Variants in TNS3 observed in about 807,000 individuals in gnomAD.
TNS3 encodes the protein tensin-3.
In TNS3, 45 loss-of-function variants were observed where a neutral mutation model predicts 140.9. That is an observed-to-expected ratio of 0.32 (90% confidence interval 0.25 to 0.41). The LOEUF is 0.41. Ranked by LOEUF, TNS3 falls within the 10% of genes least tolerant of loss-of-function variation. TNS3 has a pLI of 1.00. For missense variants in TNS3, 1,716 were observed against 1,906.7 expected (o/e 0.90, Z 1.86); for synonymous variants, 815 against 788.4 (o/e 1.03, Z -0.56).
intron 6 of TNS3, 33 bp downstream of exon 6, chr7:47,439,454 G>A: frequency 6.2e-7 from 1 of 1,609,710 alleles, no homozygotes; most frequent in South Asian, 1.1e-5. Context: ...TGCAGAGCCT[G>A]CCCAAAGGCT....
intron 4 of TNS3, among the ~76,000 whole-genome samples, chr7:47,471,676 T>C (rs1796959548): frequency 6.6e-6 from 1 of 152,160 alleles, no homozygotes; most frequent in African/African-American, 2.4e-5. Flanking sequence ...CAAAGTCTGC[T>C]CCATCTGAGC....
At chr7:47,475,137 C>A (rs1411164492) in intron 4 of TNS3, among the ~76,000 whole-genome samples, 1 of 152,214 alleles carries the variant, frequency 6.6e-6, no homozygotes, top group African/African-American at 2.4e-5. Context: ...AAACACCTCA[C>A]ACACACCACA....
chr7:47,370,928 C>T (rs2151162552), intron 16 of TNS3, among the ~76,000 whole-genome samples: 1 of 152,344 alleles, frequency 6.6e-6, no homozygotes, highest in South Asian at 2.1e-4. Context: ...CAGCTGCTGG[C>T]CTTTTTGAAA....
At chr7:47,471,427 G>C (rs1319306775) in intron 4 of TNS3, among the ~76,000 whole-genome samples, 1 of 151,524 alleles carries the variant, frequency 6.6e-6, no homozygotes, top group East Asian at 1.9e-4. Flanking sequence ...CTCACCCATG[G>C]AGTCATTCAG....
At chr7:47,319,651 C>T (rs1019949378) in intron 20 of TNS3, among the ~76,000 whole-genome samples, 2 of 152,170 alleles carry the variant, frequency 1.3e-5, no homozygotes, top group Non-Finnish European at 2.9e-5. Flanking sequence ...AAGTCTCTTA[C>T]CATGACTTGA....
chr7:47,399,196 C>T (rs190477606), intron 15 of TNS3, among the ~76,000 whole-genome samples: 31 of 149,646 alleles, frequency 2.1e-4, no homozygotes, highest in African/African-American at 7.6e-4. Context: ...CAAGTGGAAA[C>T]ACATCCCATG....
intron 13 of TNS3, chr7:47,405,637 T>C: frequency 1.1e-5 from 8 of 702,062 alleles, no homozygotes; most frequent in Non-Finnish European, 2.1e-5. Flanking sequence ...GATGACAGCA[T>C]GGATTAAGAC....
intron 2 of TNS3, 79 bp from the exon 3 acceptor site, chr7:47,507,023 A>C: frequency 2.6e-6 from 3 of 1,169,328 alleles, no homozygotes; most frequent in Non-Finnish European, 3.4e-6. Flanking sequence ...AACCCTCTCA[A>C]TCCTTCAGAG....
At chr7:47,343,345 C>A (rs562929561) in intron 20 of TNS3, among the ~76,000 whole-genome samples, 1 of 152,228 alleles carries the variant, frequency 6.6e-6, no homozygotes, top group Non-Finnish European at 1.5e-5. Flanking sequence ...ATGCTCAATA[C>A]AGTGATCTTA....
At chr7:47,563,674 C>A (rs1800363537) in intron 1 of TNS3, among the ~76,000 whole-genome samples, 1 of 152,186 alleles carries the variant, frequency 6.6e-6, no homozygotes, top group African/African-American at 2.4e-5. Context: ...CTCATGACAG[C>A]CCTGGGTTGA....
intron 3 of TNS3, among the ~76,000 whole-genome samples, chr7:47,496,438 C>T (rs1187687937): frequency 6.6e-6 from 1 of 152,106 alleles, no homozygotes; most frequent in Admixed American, 6.5e-5. Flanking sequence ...GTGTTTCAAG[C>T]TGATTAATGT....
At chr7:47,331,691 T>C (rs1369726224) in intron 20 of TNS3, among the ~76,000 whole-genome samples, 4 of 152,236 alleles carry the variant, frequency 2.6e-5, no homozygotes, top group African/African-American at 9.6e-5. Flanking sequence ...CATTTGCTCT[T>C]TCTCTACATG....
At chr7:47,308,735 C>A (rs202194845) in intron 20 of TNS3, among the ~76,000 whole-genome samples, 2 of 152,184 alleles carry the variant, frequency 1.3e-5, no homozygotes, top group African/African-American at 4.8e-5. Context: ...CTGTATATCA[C>A]TCAATGCCCA....
In TNS3 at chr7:47,531,175, G is replaced by A. The variant is rs920558382; in HGVS notation, c.-264-2028C>T. 2.0e-5 allele frequency among the ~76,000 whole-genome samples: 3 copies of A among 151,884 alleles called. No homozygotes were observed. The East Asian group carries it at 5.8e-4, about 29-fold the overall frequency. On this transcript the variant is annotated intron_variant, in intron 1 of 30. Transcript: ENST00000311160. ...CGAGTACTACGCTTATTACCTGGAG[G>A]AGGAAATAATCTGTACACCAAACCC...
At chr7:47,473,144 C>T (rs1185935252) in intron 4 of TNS3, among the ~76,000 whole-genome samples, 2 of 152,208 alleles carry the variant, frequency 1.3e-5, no homozygotes, top group South Asian at 2.1e-4. Flanking sequence ...CTAAACACCA[C>T]TCTGTGATGA....
rs540379633 is a variant in TNS3, at chr7:47,409,277, C to T, written c.723+2450G>A. On this transcript the variant is annotated intron_variant, in intron 13 of 30. Transcript: ENST00000311160. ...TTCCCAGGAGACTGCCCCCGCCCGC[C>T]TGGTCTCAGGAAGACCCTGCAGCTA... 2.3e-4 allele frequency among the ~76,000 whole-genome samples: 34 copies of T among 150,422 alleles called. 1 individual carries two copies. The East Asian group carries it at 6.6e-3, about 29-fold the overall frequency.
At position 47,456,432 on chromosome 7, in the gene TNS3, G is replaced by T. The variant is rs141936472; in HGVS notation, c.-75-14377C>A. Among the ~76,000 whole-genome samples, 8 of 152,282 alleles carry T rather than the reference G, an allele frequency of 5.3e-5. No individual in the cohort carries two copies. The East Asian group carries it at 1.5e-3, about 29-fold the overall frequency. ...TCAGATTCCCCACCTGGGGAATGGG[G>T]GTGGAAATGGCACATAATGCAGAGT... On this transcript the variant is annotated intron_variant, in intron 4 of 30. Transcript: ENST00000311160.
In TNS3 at chr7:47,465,700, G is replaced by A. The variant is rs1015832990; in HGVS notation, c.-76+15403C>T. 2.6e-5 allele frequency among the ~76,000 whole-genome samples: 4 copies of A among 152,216 alleles called. No homozygotes were observed. In the East Asian group the frequency reaches 7.7e-4, roughly 29 times the overall value. On this transcript the variant is annotated intron_variant, in intron 4 of 30. Coordinates refer to ENST00000311160, the MANE Select transcript of TNS3 (RefSeq NM_022748.12). The stretch of plus-strand genomic sequence containing the variant: ...AGCACTTTGGGAGGCCGAGGTGGGA[G>A]GATCACCTGAGGTCAGGAGTTCGAG...
rs1786076701 is a variant in TNS3 at position 47,297,155 on chromosome 7, G to T, written c.3603C>A (p.Ser1201=). 6.2e-7 allele frequency: 1 copy of T among 1,613,794 alleles called. No homozygotes were observed. Residue 1201 remains serine (S), a synonymous_variant, in exon 24 of 31, where the codon TCC becomes TCA. Coordinates refer to ENST00000311160, the MANE Select transcript of TNS3 (RefSeq NM_022748.12). ...TGGCCAGGCCATAGGCCCCTCGGAA[G>T]GAATGGCTGTCTCGAACAATGAATG... ...PGSFIVRDSH[S]FRGAYGLAMK...
Sources: gnomAD v4.1 joint callset for allele counts (sites outside exome capture counted in the v4.1 genomes callset) on GRCh38, gnomAD v4.1.1 for gene constraint, MANE v1.5 for transcripts, NCBI Gene and HGNC (gene_info 2026-07-23, HGNC 2026-07-21) for gene names.